Variants in GMDS observed in about 807,000 individuals in gnomAD.
GMDS encodes GDP-mannose 4,6-dehydratase.
Under a neutral mutation model 49.9 loss-of-function variants are expected in GMDS, and 20 were observed. The observed-to-expected ratio is 0.40, with a 90% CI of 0.28 to 0.58. The LOEUF (loss-of-function observed/expected upper bound fraction) is 0.58, where lower values mean the gene tolerates loss of function less well. Among genes scored for constraint, GMDS ranks in the 20% least tolerant of loss-of-function variants. GMDS has a pLI of 0.42. For synonymous variants in GMDS, 177 were observed against 178.6 expected, an observed-to-expected ratio of 0.99 and a Z score of 0.07; for missense variants, 362 against 481.4, an observed-to-expected ratio of 0.75 and a Z score of 2.32.
intron 1 of GMDS, among the ~76,000 whole-genome samples, chr6:2,194,266 G>A (rs1306431074): frequency 6.6e-6 from 1 of 152,048 alleles, no homozygotes; most frequent in East Asian, 1.9e-4. Context: ...TTAAATCACT[G>A]TAATCTTTGA....
At chr6:2,235,893 C>T (rs889352923) in intron 1 of GMDS, among the ~76,000 whole-genome samples, 3 of 151,352 alleles carry the variant, frequency 2.0e-5, no homozygotes, top group Admixed American at 6.6e-5. Flanking sequence ...AGGAACAAGG[C>T]AAACAAATGG....
chr6:2,028,925 A>G (rs1245135369), intron 4 of GMDS, among the ~76,000 whole-genome samples: 1 of 152,022 alleles, frequency 6.6e-6, no homozygotes, highest in Non-Finnish European at 1.5e-5. Flanking sequence ...TTGGGAGCAA[A>G]GCATACTTTA....
intron 8 of GMDS, among the ~76,000 whole-genome samples, chr6:1,737,526 TAC>T (rs1182212416): frequency 7.2e-6 from 1 of 138,596 alleles, no homozygotes; most frequent in Non-Finnish European, 1.6e-5. Flanking sequence ...CACACAGAGA[TAC>T]ACACACATAC....
chr6:1,910,027 G>A (rs537174134), intron 7 of GMDS, among the ~76,000 whole-genome samples: 4 of 152,058 alleles, frequency 2.6e-5, no homozygotes, highest in East Asian at 3.9e-4. Context: ...TGAAGACGTC[G>A]TACAGAAAAA....
intron 7 of GMDS, among the ~76,000 whole-genome samples, chr6:1,835,156 C>A (rs74532108): frequency 6.6e-6 from 1 of 151,888 alleles, no homozygotes; most frequent in Non-Finnish European, 1.5e-5. Context: ...GTCTGTGTTG[C>A]GTAAGGGGGG....
chr6:1,973,086 A>T (rs1021038917), intron 4 of GMDS, among the ~76,000 whole-genome samples: 3 of 152,196 alleles, frequency 2.0e-5, no homozygotes, highest in Non-Finnish European at 4.4e-5. Context: ...TACCACCTAT[A>T]TCCAGCCAGA....
At chr6:1,865,412 T>C (rs1758397002) in intron 7 of GMDS, among the ~76,000 whole-genome samples, 1 of 152,180 alleles carries the variant, frequency 6.6e-6, no homozygotes, top group Admixed American at 6.5e-5. Flanking sequence ...TTCTACTTTA[T>C]TTTAAACTGG....
At chr6:1,872,315 A>G (rs954060174) in intron 7 of GMDS, among the ~76,000 whole-genome samples, 1 of 152,258 alleles carries the variant, frequency 6.6e-6, no homozygotes, top group Non-Finnish European at 1.5e-5. Flanking sequence ...AGAATAATTC[A>G]GTACTTATAA....
rs3734739 is a variant in GMDS at position 1,742,560 on chromosome 6, A to G, written c.798T>C (p.Asp266=). Residue 266 remains aspartate (D), a synonymous_variant, in exon 8 of 11, where the codon GAT becomes GAC. Transcript: ENST00000380815. ...TAGCTATAACGAAGTCCTCCGGCTC[A>G]TCATTCTGCAACATCAACCACATAG... ...VEAMWLMLQN[D]EPEDFVIATG... 0.45 allele frequency: 727,125 copies of G among 1,600,714 alleles called. 169,219 individuals are homozygous for G. Among genetic ancestry groups the G allele is most frequent in the East Asian group, 0.66 (29,469 of 44,758 alleles).
intron 9 of GMDS, among the ~76,000 whole-genome samples, chr6:1,677,685 C>G (rs553603304): frequency 6.6e-6 from 1 of 151,320 alleles, no homozygotes. Flanking sequence ...TCTGAGCAAA[C>G]GATCGCAAGG....
chr6:2,058,529 C>T (rs1264249025), intron 4 of GMDS, among the ~76,000 whole-genome samples: 1 of 151,698 alleles, frequency 6.6e-6, no homozygotes, highest in African/African-American at 2.4e-5. Flanking sequence ...TAGAGCTATC[C>T]GAAGGTAGAA....
intron 7 of GMDS, among the ~76,000 whole-genome samples, chr6:1,862,960 T>C (rs1444165472): frequency 1.3e-5 from 2 of 152,228 alleles, no homozygotes; most frequent in Non-Finnish European, 2.9e-5. Context: ...AGTTAAATAC[T>C]AAAGGTATAG....
chr6:2,239,260 C>T (rs554652952), intron 1 of GMDS, among the ~76,000 whole-genome samples: 22 of 149,342 alleles, frequency 1.5e-4, no homozygotes, highest in African/African-American at 3.7e-4. Flanking sequence ...ACCCAGGACA[C>T]GGATGTTGCA....
At chr6:1,710,469 T>C (rs1043286721) in intron 9 of GMDS, among the ~76,000 whole-genome samples, 1 of 152,234 alleles carries the variant, frequency 6.6e-6, no homozygotes, top group African/African-American at 2.4e-5. Flanking sequence ...ATAACCAGGC[T>C]GTGGTCAGAC....
At chr6:1,963,415 C>A (rs1313876497) in intron 4 of GMDS, among the ~76,000 whole-genome samples, 2 of 152,108 alleles carry the variant, frequency 1.3e-5, no homozygotes, top group East Asian at 3.8e-4. Flanking sequence ...TCTACTTTTT[C>A]TTTTGTTGTG....
chr6:2,177,274 C>G lies in GMDS; in HGVS notation c.103-52543G>C, dbSNP rs541844361. On this transcript the variant is annotated intron_variant, in intron 1 of 10. Coordinates refer to ENST00000380815, the MANE Select transcript of GMDS (RefSeq NM_001500.4). ...TGCAGTACGTATAATCTGGAGAGATCAGGAAAGTAGACTGGGTTTGGGGTA... is the reference window on the plus strand; with the variant it reads ...TGCAGTACGTATAATCTGGAGAGATGAGGAAAGTAGACTGGGTTTGGGGTA... Among the ~76,000 whole-genome samples, 9 of 152,174 alleles carry G rather than the reference C, an allele frequency of 5.9e-5. No individual in the cohort carries two copies. In the East Asian group the frequency reaches 1.5e-3, roughly 26 times the overall value.
chr6:2,032,164 T>C (rs1467461766), intron 4 of GMDS, among the ~76,000 whole-genome samples: 1 of 152,196 alleles, frequency 6.6e-6, no homozygotes, highest in African/African-American at 2.4e-5. Context: ...TAGTTCATCA[T>C]CGGGAAGACA....
Position 1,959,983 on chromosome 6 carries a change from ATTT to A in GMDS, c.539-15_539-13del. 6.5e-7 allele frequency: 1 copy of A among 1,527,604 alleles called. No homozygotes were observed. Among genetic ancestry groups the A allele is most frequent in the Non-Finnish European group, 9.0e-7 (1 of 1,112,324 alleles). 94.6% of individuals were successfully genotyped at this position (1,527,604 alleles called of 1,614,324 possible). A position where few individuals can be genotyped will look rare whatever the true frequency, so the allele number is the denominator to read the frequency against. On this transcript the variant is annotated splice_polypyrimidine_tract_variant and intron_variant, in intron 5 of 10. Coordinates refer to ENST00000380815, the MANE Select transcript of GMDS (RefSeq NM_001500.4). The stretch of plus-strand genomic sequence containing the variant: ...GAGTTTTGCTGCCCCTGTTGGAATA[ATTT>A]TTTTTAAGCAATGAAGTTTGTTGTA...
At chr6:2,216,144 TC>T (rs1270343771) in intron 1 of GMDS, among the ~76,000 whole-genome samples, 2 of 152,314 alleles carry the variant, frequency 1.3e-5, no homozygotes, top group Admixed American at 1.3e-4. Context: ...CTGCCTTGAA[TC>T]ATTTTGGGAA....
Sources: allele counts gnomAD v4.1 joint callset (sites outside exome capture counted in the v4.1 genomes callset), GRCh38; gene constraint gnomAD v4.1.1; transcripts MANE v1.5; gene names NCBI Gene and HGNC (gene_info 2026-07-23, HGNC 2026-07-21).